Variants in ADGRV1 observed in about 807,000 individuals in gnomAD.
ADGRV1 encodes G-protein coupled receptor 98.
In ADGRV1, 359 loss-of-function variants were observed where a neutral mutation model predicts 596.2. That is an observed-to-expected ratio of 0.60 (90% CI 0.55 to 0.66). The LOEUF is 0.66. Among genes scored for constraint, ADGRV1 ranks in the 30% least tolerant of loss-of-function variants. The pLI is 0.00. For synonymous variants in ADGRV1, 2,681 were observed against 2,679.2 expected (o/e 1.00, Z -0.02); for missense variants, 7,274 against 7,575.6 (o/e 0.96, Z 1.48).
chr5:90,880,563 C>T (rs372778154), intron 83 of ADGRV1, among the ~76,000 whole-genome samples: 29 of 152,272 alleles, frequency 1.9e-4, no homozygotes, highest in African/African-American at 6.3e-4. Context: ...TGTGGGTTAG[C>T]TTGAAAAGCA....
At chr5:91,031,339 C>A in intron 85 of ADGRV1, 1 of 1,288,948 alleles carries the variant, frequency 7.8e-7, no homozygotes, top group South Asian at 1.2e-5. Flanking sequence ...GATACAATCC[C>A]ACTCCAATCT....
Position 90,647,644 on chromosome 5 carries a change from A to T in ADGRV1, c.3169A>T (p.Lys1057Ter). 1 of 1,613,994 alleles carries T rather than the reference A, an allele frequency of 6.2e-7. No homozygotes were observed. The highest frequency in any genetic ancestry group is 1.3e-5 in the African/African-American group (1 of 75,056). Reference protein sequence around the residue: ...ARERDFIPVEKGETLIFEVGS... With the variant: ...ARERDFIPVE The stretch of plus-strand genomic sequence containing the variant: ...AGAGAGAGATTTCATTCCTGTTGAA[A>T]AAGGAGAAACGCTCATTTTTGAGGT... Residue 1057 changes from lysine (K) to a stop codon, truncating the protein, a stop_gained, in exon 17 of 90, where the codon AAA becomes TAA. Transcript: ENST00000405460. LOFTEE classifies it high-confidence loss of function.
rs1764952279 is a variant in ADGRV1 at position 90,627,684 on chromosome 5, C to A, written c.1146C>A (p.Thr382=). 6.2e-7 allele frequency: 1 copy of A among 1,613,302 alleles called. No homozygotes were observed. The highest frequency in any genetic ancestry group is 1.7e-5 in the Admixed American group (1 of 59,948). Reference sequence around the variant, plus strand: ...TAAGCCCTTCTGTTGTACAAGTCACCATTAAGCCAAATGATAAACCTTATG... The same window carrying A: ...TAAGCCCTTCTGTTGTACAAGTCACAATTAAGCCAAATGATAAACCTTATG... ...VLISPSVVQV[T]IKPNDKPYGV... is the part of the protein sequence containing the mutation. Residue 382 remains threonine (T), a synonymous_variant, in exon 7 of 90, where the codon ACC becomes ACA. Transcript: ENST00000405460.
intron 86 of ADGRV1, among the ~76,000 whole-genome samples, chr5:91,082,124 G>A (rs1441394743): frequency 6.6e-6 from 1 of 152,196 alleles, no homozygotes; most frequent in Non-Finnish European, 1.5e-5. Context: ...TTGTTTAGGT[G>A]TGTTGCACAC....
At chr5:90,894,173 A>G (rs1335471195) in intron 83 of ADGRV1, among the ~76,000 whole-genome samples, 1 of 152,214 alleles carries the variant, frequency 6.6e-6, no homozygotes, top group Non-Finnish European at 1.5e-5. Context: ...CAGTAAAATC[A>G]TTGTGCCCCA....
Position 90,676,185 on chromosome 5 carries a change from G to A in ADGRV1, c.5419G>A (p.Glu1807Lys). 6 of 1,605,594 alleles carry A rather than the reference G, an allele frequency of 3.7e-6. No homozygotes were observed. Among genetic ancestry groups the A allele is most frequent in the Non-Finnish European group, 5.1e-6 (6 of 1,176,466 alleles). ...TGAACTGGAAAAATCTTTTAAAGTTGAGTTGTTAAACTTGGAAGGAGGAGG... is the reference window on the plus strand; with the variant it reads ...TGAACTGGAAAAATCTTTTAAAGTTAAGTTGTTAAACTTGGAAGGAGGAGG... ...IPELEKSFKV[E>K]LLNLEGGVAE... is the part of the protein sequence containing the mutation. Residue 1807 changes from glutamate (E) to lysine (K), a missense_variant, in exon 25 of 90, where the codon GAG becomes AAG. Around this residue, in one of 5 missense-constraint regions of ADGRV1, gnomAD observed 3,643 missense variants for 3,809.2 expected, o/e 0.96. Transcript: ENST00000405460.
intron 21 of ADGRV1, among the ~76,000 whole-genome samples, chr5:90,666,416 A>T (rs929438654): frequency 6.6e-6 from 1 of 151,978 alleles, no homozygotes; most frequent in African/African-American, 2.4e-5. Context: ...AGTGTGTTTT[A>T]TCAGAGAGTA....
At chr5:90,605,205 A>G (rs895758178) in intron 1 of ADGRV1, among the ~76,000 whole-genome samples, 2 of 152,166 alleles carry the variant, frequency 1.3e-5, no homozygotes, top group African/African-American at 4.8e-5. Context: ...TCATGAGGTC[A>G]AGAGATTGAG....
At chr5:90,872,339 G>C (rs921292246) in intron 83 of ADGRV1, among the ~76,000 whole-genome samples, 6 of 151,388 alleles carry the variant, frequency 4.0e-5, no homozygotes, top group Non-Finnish European at 8.8e-5. Context: ...TGTCCTCATT[G>C]CTTGTGTTGA....
At position 90,739,948 on chromosome 5, in the gene ADGRV1, A is replaced by G. The variant is rs570444363; in HGVS notation, c.10550-5098A>G. On this transcript the variant is annotated intron_variant, in intron 50 of 89. Coordinates refer to ENST00000405460, the MANE Select transcript of ADGRV1 (RefSeq NM_032119.4). ...CTCCCCTCAGAAGACATTCACACAC[A>G]TGCACATGACTCCTTGCCTGGCAAG... is the stretch of plus-strand genomic sequence containing the variant. Among the ~76,000 whole-genome samples the G allele has an allele frequency of 1.1e-4, 16 of 152,194 alleles. No homozygotes were observed. The East Asian group carries it at 2.9e-3, about 28-fold the overall frequency.
rs571617595 is a variant in ADGRV1, at chr5:91,143,230, G to A, written c.18433-6800G>A. ...AGAGGGTGTCACTGCCCTGGCTTGG[G>A]GCACTCCTAGGTCTGGGCTCCCCAA... On this transcript the variant is annotated intron_variant, in intron 87 of 89. Transcript: ENST00000405460. 9.2e-5 allele frequency among the ~76,000 whole-genome samples: 14 copies of A among 152,282 alleles called. No homozygotes were observed. In the South Asian group the frequency reaches 2.9e-3, roughly 32 times the overall value.
chr5:90,623,348 A>G (rs535524320), intron 5 of ADGRV1, among the ~76,000 whole-genome samples: 6 of 152,326 alleles, frequency 3.9e-5, no homozygotes, highest in African/African-American at 1.4e-4. Flanking sequence ...AGGAAATTTT[A>G]AAATACCCAT....
At chr5:91,086,947 G>C (rs1024037895) in intron 86 of ADGRV1, among the ~76,000 whole-genome samples, 6 of 152,136 alleles carry the variant, frequency 3.9e-5, no homozygotes, top group Non-Finnish European at 8.8e-5. Flanking sequence ...ATGACCTAGT[G>C]CTACAAACAT....
In ADGRV1 at chr5:90,713,570, C is replaced by A. The variant is rs1347774714; in HGVS notation, c.9184+1142C>A. Among the ~76,000 whole-genome samples the A allele has an allele frequency of 2.0e-5, 3 of 152,068 alleles. No individual in the cohort carries two copies. In the East Asian group the frequency reaches 5.8e-4, roughly 29 times the overall value. On this transcript the variant is annotated intron_variant, in intron 42 of 89. Coordinates refer to ENST00000405460, the MANE Select transcript of ADGRV1 (RefSeq NM_032119.4). ...AACCTGAGGATACAGCGACATACAC[C>A]TTTAGATGAGGCAGGAGCAGGACTT...
chr5:90,664,218 C>T (rs1770898579), intron 21 of ADGRV1, among the ~76,000 whole-genome samples: 1 of 145,446 alleles, frequency 6.9e-6, no homozygotes, highest in African/African-American at 2.6e-5. Context: ...TGGCCATTTT[C>T]ACGATATTGA....
chr5:90,686,994 TTGGCTGCATAAATGTCTTC>T (rs1745752189), intron 29 of ADGRV1, among the ~76,000 whole-genome samples: 1 of 152,208 alleles, frequency 6.6e-6, no homozygotes, highest in Non-Finnish European at 1.5e-5. Flanking sequence ...CATGTGTTTT[TTGGCTGCATAAATGTCTTC>T]TTTTGAGAAG....
intron 79 of ADGRV1, among the ~76,000 whole-genome samples, chr5:90,853,028 AAAAC>A (rs1250050109): frequency 6.6e-6 from 1 of 152,202 alleles, no homozygotes; most frequent in African/African-American, 2.4e-5. Flanking sequence ...TGATATCCAT[AAAAC>A]AGTTTTCAAA....
At chr5:90,765,224 C>G (rs1756972376) in intron 59 of ADGRV1, among the ~76,000 whole-genome samples, 1 of 152,132 alleles carries the variant, frequency 6.6e-6, no homozygotes. Flanking sequence ...CCCTAGAGAG[C>G]CATCTGCTCG....
At chr5:90,594,632 C>T (rs1413078677) in intron 1 of ADGRV1, among the ~76,000 whole-genome samples, 1 of 146,616 alleles carries the variant, frequency 6.8e-6, no homozygotes, top group Non-Finnish European at 1.5e-5. Context: ...GACCCTGCGG[C>T]CTTCCACAGC....
Sources: allele counts gnomAD v4.1 joint callset (sites outside exome capture counted in the v4.1 genomes callset), GRCh38; gene constraint gnomAD v4.1.1; regional missense constraint gnomAD v4.1.1; transcripts MANE v1.5; gene names NCBI Gene and HGNC (gene_info 2026-07-23, HGNC 2026-07-21).